The following AGMO variants were observed in gnomAD, a reference collection of about 807,000 sequenced individuals.
AGMO encodes the protein glyceryl-ether monooxygenase.
A neutral mutation model predicts 60.2 loss-of-function variants in AGMO; 75 were observed. That is an observed-to-expected ratio of 1.25 (90% CI 1.03 to 1.51). The LOEUF is 1.51. AGMO is among the 40% of genes most tolerant of loss of function. AGMO has a pLI of 0.00. For synonymous variants in AGMO, 261 were observed against 177.1 expected, an observed-to-expected ratio of 1.47 and a Z score of -3.76; for missense variants, 763 against 525.5, an observed-to-expected ratio of 1.45 and a Z score of -4.42.
intron 3 of AGMO, among the ~76,000 whole-genome samples, chr7:15,481,593 A>G (rs1233350237): frequency 6.6e-6 from 1 of 152,156 alleles, no homozygotes; most frequent in Non-Finnish European, 1.5e-5. Context: ...AGAAAAAACT[A>G]AAGGAGAAAT....
At chr7:15,158,184 C>A in the AGMO span, among the ~76,000 whole-genome samples, 9 of 152,032 alleles carry the variant, frequency 5.9e-5, no homozygotes, top group African/African-American at 1.7e-4. Flanking sequence ...CCCTAGGCAC[C>A]ATACCTACCG....
chr7:15,521,352 C>T (rs1003528890), intron 3 of AGMO, among the ~76,000 whole-genome samples: 4 of 152,126 alleles, frequency 2.6e-5, no homozygotes, highest in African/African-American at 9.7e-5. Context: ...TTTTATGAGG[C>T]CAGCATCATC....
intron 12 of AGMO, among the ~76,000 whole-genome samples, chr7:15,226,488 T>C (rs1782085507): frequency 6.6e-6 from 1 of 152,112 alleles, no homozygotes; most frequent in Non-Finnish European, 1.5e-5. Context: ...GAATTTTCTA[T>C]GGACCCCACA....
intron 12 of AGMO, among the ~76,000 whole-genome samples, chr7:15,264,751 G>C (rs79487696): frequency 0.032 from 4,913 of 152,138 alleles, 253 homozygotes; most frequent in African/African-American, 0.11. Context: ...ATACCATTCA[G>C]AATGGTGGTA....
intron 5 of AGMO, chr7:15,396,470 G>C (rs1054314375): frequency 1.3e-5 from 2 of 152,262 alleles, no homozygotes; most frequent in African/African-American, 2.4e-5. Context: ...GAGCATTACA[G>C]CTCATAAACG....
At chr7:15,363,061 T>C (rs181912800) in intron 12 of AGMO, among the ~76,000 whole-genome samples, 92 of 152,296 alleles carry the variant, frequency 6.0e-4, no homozygotes, top group African/African-American at 2.0e-3. Flanking sequence ...ATATGAATAC[T>C]GAATGGAATA....
chr7:15,220,674 A>C (rs1781892718), intron 12 of AGMO, among the ~76,000 whole-genome samples: 2 of 151,896 alleles, frequency 1.3e-5, no homozygotes, highest in African/African-American at 4.8e-5. Flanking sequence ...TGAATATATA[A>C]ATTATCTTAT....
intron 3 of AGMO, among the ~76,000 whole-genome samples, chr7:15,539,928 A>T (rs963876430): frequency 6.6e-6 from 1 of 152,158 alleles, no homozygotes; most frequent in Non-Finnish European, 1.5e-5. Flanking sequence ...CTAATTTGTT[A>T]TTCTATGTAA....
intron 12 of AGMO, among the ~76,000 whole-genome samples, chr7:15,247,819 A>G (rs1782794288): frequency 6.6e-6 from 1 of 152,044 alleles, no homozygotes. Flanking sequence ...GACAATGGAA[A>G]TAAGTCAATT....
At chr7:15,117,988 C>T in the AGMO span, among the ~76,000 whole-genome samples, 1 of 151,898 alleles carries the variant, frequency 6.6e-6, no homozygotes, top group African/African-American at 2.4e-5. Flanking sequence ...TGATTACAGA[C>T]ATGAAATGAA....
At chr7:15,282,537 G>T in intron 12 of AGMO, among the ~76,000 whole-genome samples, 1 of 151,962 alleles carries the variant, frequency 6.6e-6, no homozygotes. Context: ...AAAGAAAAAA[G>T]AATCAAAAGA....
At chr7:15,554,078 A>G (rs1785057815) in intron 2 of AGMO, among the ~76,000 whole-genome samples, 1 of 152,132 alleles carries the variant, frequency 6.6e-6, no homozygotes, top group Admixed American at 6.6e-5. Flanking sequence ...CCTAACCAAT[A>G]CAGCTGGGAA....
intron 12 of AGMO, among the ~76,000 whole-genome samples, chr7:15,274,172 G>A (rs1251329079): frequency 6.6e-6 from 1 of 152,152 alleles, no homozygotes; most frequent in African/African-American, 2.4e-5. Flanking sequence ...GAAAAGGAGT[G>A]GTGAGAGAGG....
chr7:15,477,575 G>C (rs1645100148), intron 3 of AGMO, among the ~76,000 whole-genome samples: 1 of 152,060 alleles, frequency 6.6e-6, no homozygotes, highest in African/African-American at 2.4e-5. Flanking sequence ...ATTCTTGTGG[G>C]CTACCAAATA....
At chr7:15,512,797 A>G (rs548906313) in intron 3 of AGMO, among the ~76,000 whole-genome samples, 5 of 152,192 alleles carry the variant, frequency 3.3e-5, no homozygotes, top group Non-Finnish European at 5.9e-5. Context: ...TTCAATATAC[A>G]TGAAACCGCA....
At chr7:15,131,732 T>G in the AGMO span, among the ~76,000 whole-genome samples, 1 of 148,318 alleles carries the variant, frequency 6.7e-6, no homozygotes, top group Non-Finnish European at 1.5e-5. Context: ...GTTATCACAC[T>G]TAGGCTTAAA....
At chr7:15,117,328 A>G in the AGMO span, among the ~76,000 whole-genome samples, 1 of 152,022 alleles carries the variant, frequency 6.6e-6, no homozygotes, top group African/African-American at 2.4e-5. Context: ...AGGATCATGT[A>G]ACCGATGTAA....
chr7:15,554,989 T>C lies in AGMO; in HGVS notation c.257+5152A>G, dbSNP rs567505916. On this transcript the variant is annotated intron_variant, in intron 2 of 12. Transcript: ENST00000342526. ...TGTCATTAAGAAAGCAAGTGACATTTGGTGTAATACTGTCGTTGAAAACTC... is the reference window on the plus strand; with the variant it reads ...TGTCATTAAGAAAGCAAGTGACATTCGGTGTAATACTGTCGTTGAAAACTC... 9.9e-5 allele frequency among the ~76,000 whole-genome samples: 15 copies of C among 151,982 alleles called. 1 individual carries two copies. The highest frequency in any genetic ancestry group is 6.6e-4 in the Admixed American group (10 of 15,212).
At chr7:15,399,826 G>C (rs1171349098) in intron 5 of AGMO, among the ~76,000 whole-genome samples, 1 of 152,128 alleles carries the variant, frequency 6.6e-6, no homozygotes, top group Admixed American at 6.6e-5. Context: ...ACCAAACAAT[G>C]TCCAAAACTT....
Sources: gnomAD v4.1 joint callset for allele counts (sites outside exome capture counted in the v4.1 genomes callset) on GRCh38, gnomAD v4.1.1 for gene constraint, MANE v1.5 for transcripts, NCBI Gene and HGNC (gene_info 2026-07-23, HGNC 2026-07-21) for gene names.